Variants in SPIDR observed in about 807,000 individuals in gnomAD.
SPIDR encodes DNA repair-scaffolding protein.
Under a neutral mutation model 104.6 loss-of-function variants are expected in SPIDR, and 93 were observed. That is an observed-to-expected ratio of 0.89 (90% CI 0.75 to 1.06). SPIDR has a LOEUF of 1.06. Among genes scored for constraint, SPIDR ranks in the 50% least tolerant of loss-of-function variants. The pLI, the probability that SPIDR is intolerant of heterozygous loss-of-function variation, is 0.00. For missense variants in SPIDR, 1,154 were observed against 1,111.2 expected (o/e 1.04, Z -0.55); for synonymous variants, 431 against 416.9 (o/e 1.03, Z -0.41).
At chr8:47,591,865 C>T (rs2061050530) in intron 8 of SPIDR, among the ~76,000 whole-genome samples, 1 of 151,764 alleles carries the variant, frequency 6.6e-6, no homozygotes, top group Non-Finnish European at 1.5e-5. Context: ...TATACTTAAA[C>T]CAGGATGGGG....
intron 5 of SPIDR, among the ~76,000 whole-genome samples, chr8:47,322,442 G>A (rs868914582): frequency 1.3e-5 from 2 of 152,160 alleles, no homozygotes; most frequent in Non-Finnish European, 2.9e-5. Flanking sequence ...GAAACAACAG[G>A]TGCTGGAGAG....
intron 8 of SPIDR, among the ~76,000 whole-genome samples, chr8:47,537,031 A>G (rs958779704): frequency 2.6e-5 from 4 of 152,268 alleles, no homozygotes; most frequent in Admixed American, 1.3e-4. Flanking sequence ...CTAGACATCT[A>G]TTAGAATGGC....
At chr8:47,658,453 TAAAC>T (rs2073358657) in intron 10 of SPIDR, among the ~76,000 whole-genome samples, 1 of 151,862 alleles carries the variant, frequency 6.6e-6, no homozygotes, top group Non-Finnish European at 1.5e-5. Flanking sequence ...TCACCGGCAA[TAAAC>T]AAATCAAAGT....
chr8:47,341,739 C>T (rs903465414), intron 5 of SPIDR, among the ~76,000 whole-genome samples: 18 of 152,186 alleles, frequency 1.2e-4, no homozygotes, highest in Non-Finnish European at 2.2e-4. Context: ...GGTGGAAAAA[C>T]ATATGGGAAT....
intron 11 of SPIDR, among the ~76,000 whole-genome samples, chr8:47,682,482 T>C (rs1348248128): frequency 6.6e-6 from 1 of 152,222 alleles, no homozygotes; most frequent in African/African-American, 2.4e-5. Flanking sequence ...CTGAATGTAC[T>C]AAATACCACT....
chr8:47,454,025 G>A (rs781996065), intron 8 of SPIDR, among the ~76,000 whole-genome samples: 1 of 152,180 alleles, frequency 6.6e-6, no homozygotes, highest in African/African-American at 2.4e-5. Context: ...TTACAGCATT[G>A]GTGGGACTGT....
chr8:47,573,424 T>G (rs1587930785), intron 8 of SPIDR, among the ~76,000 whole-genome samples: 1 of 152,020 alleles, frequency 6.6e-6, no homozygotes, highest in Non-Finnish European at 1.5e-5. Context: ...AAGGTCAGAG[T>G]ATATTGAGGG....
At chr8:47,563,463 C>A (rs941555029) in intron 8 of SPIDR, among the ~76,000 whole-genome samples, 2 of 152,110 alleles carry the variant, frequency 1.3e-5, no homozygotes, top group African/African-American at 2.4e-5. Context: ...TGTGAGCCAT[C>A]GCACCTGGCC....
At chr8:47,501,568 A>G (rs758221879) in intron 8 of SPIDR, among the ~76,000 whole-genome samples, 1 of 152,190 alleles carries the variant, frequency 6.6e-6, no homozygotes, top group Non-Finnish European at 1.5e-5. Context: ...TTTTCTAGAA[A>G]TATAATCATG....
intron 14 of SPIDR, among the ~76,000 whole-genome samples, chr8:47,704,873 A>G (rs772657384): frequency 6.6e-6 from 1 of 152,066 alleles, no homozygotes; most frequent in Non-Finnish European, 1.5e-5. Context: ...TATGTCCCAT[A>G]CTTTCCAAGC....
chr8:47,651,134 G>T (rs1365381683), intron 10 of SPIDR, among the ~76,000 whole-genome samples: 1 of 152,006 alleles, frequency 6.6e-6, no homozygotes, highest in Non-Finnish European at 1.5e-5. Context: ...CACAGCAACA[G>T]AAATAATCAT....
At chr8:47,302,866 C>T (rs937466050) in intron 5 of SPIDR, among the ~76,000 whole-genome samples, 1 of 152,152 alleles carries the variant, frequency 6.6e-6, no homozygotes, top group African/African-American at 2.4e-5. Flanking sequence ...ACTGGGGGGT[C>T]CCTCCCAGTT....
At chr8:47,599,575 G>A (rs569127881) in intron 10 of SPIDR, among the ~76,000 whole-genome samples, 1 of 152,250 alleles carries the variant, frequency 6.6e-6, no homozygotes, top group Admixed American at 6.5e-5. Context: ...GTAAATAATG[G>A]CAATTGGTAA....
chr8:47,340,112 G>T (rs1001936766), intron 5 of SPIDR, among the ~76,000 whole-genome samples: 5 of 152,064 alleles, frequency 3.3e-5, no homozygotes, highest in Non-Finnish European at 7.4e-5. Flanking sequence ...TTTAGTGGCT[G>T]TTATGATTTT....
intron 8 of SPIDR, among the ~76,000 whole-genome samples, chr8:47,496,429 G>T (rs2079447877): frequency 2.6e-5 from 4 of 152,232 alleles, no homozygotes; most frequent in Admixed American, 2.6e-4. Flanking sequence ...TTAGTAAAAT[G>T]CTTTTTCTGT....
chr8:47,507,350 T>G (rs2081642640), intron 8 of SPIDR, among the ~76,000 whole-genome samples: 1 of 152,232 alleles, frequency 6.6e-6, no homozygotes, highest in African/African-American at 2.4e-5. Context: ...GATTGATACC[T>G]CATGCCATCT....
chr8:47,593,527 A>G (rs2061308344), intron 8 of SPIDR, among the ~76,000 whole-genome samples: 1 of 152,090 alleles, frequency 6.6e-6, no homozygotes, highest in Non-Finnish European at 1.5e-5. Flanking sequence ...TATTCATTCA[A>G]GTTGAGATTT....
chr8:47,387,731 G>A (rs1042401200), intron 5 of SPIDR, among the ~76,000 whole-genome samples: 2 of 152,146 alleles, frequency 1.3e-5, no homozygotes, highest in African/African-American at 2.4e-5. Context: ...AGTTGGCCGG[G>A]ATATTTACAG....
At position 47,690,272 on chromosome 8, in the gene SPIDR, T is replaced by G. The variant is rs918873583; in HGVS notation, c.1686-10131T>G. ...TTTCCTGTGAAGTTGAGAGAGTGTG[T>G]GGGGGGGGTGAGGGGTGCGCGTGCA... On this transcript the variant is annotated intron_variant, in intron 11 of 19. Coordinates refer to ENST00000297423, the MANE Select transcript of SPIDR (RefSeq NM_001080394.4). Among the ~76,000 whole-genome samples, 11 of 148,284 alleles carry G rather than the reference T, an allele frequency of 7.4e-5. No individual in the cohort carries two copies. The South Asian group carries it at 8.6e-4, about 12-fold the overall frequency.
Sources: gnomAD v4.1 joint callset for allele counts (sites outside exome capture counted in the v4.1 genomes callset) on GRCh38, gnomAD v4.1.1 for gene constraint, MANE v1.5 for transcripts, NCBI Gene and HGNC (gene_info 2026-07-23, HGNC 2026-07-21) for gene names.